Variants in STAM2 observed in about 807,000 individuals in gnomAD.
The protein encoded by STAM2 is signal transducing adaptor molecule 2.
STAM2 carries 51 observed loss-of-function variants against 65.6 expected under a neutral mutation model. The observed-to-expected ratio is 0.78, with a 90% CI of 0.62 to 0.98. The LOEUF is 0.98. Ranked by LOEUF, STAM2 falls within the 50% of genes least tolerant of loss-of-function variation. STAM2 has a pLI of 0.00. For synonymous variants in STAM2, 198 were observed against 208.4 expected, an observed-to-expected ratio of 0.95 and a Z score of 0.43; for missense variants, 584 against 617.8, an observed-to-expected ratio of 0.95 and a Z score of 0.58.
intron 1 of STAM2, among the ~76,000 whole-genome samples, chr2:152,167,482 C>A (rs1360262907): frequency 6.6e-6 from 1 of 152,202 alleles, no homozygotes; most frequent in Non-Finnish European, 1.5e-5. Flanking sequence ...AATGTTTCAA[C>A]AATACCAAAA....
At chr2:152,162,188 T>C (rs1177628397) in intron 1 of STAM2, among the ~76,000 whole-genome samples, 2 of 152,200 alleles carry the variant, frequency 1.3e-5, no homozygotes, top group Non-Finnish European at 2.9e-5. Context: ...CAGATAGCAA[T>C]TTAATTAAAA....
intron 1 of STAM2, among the ~76,000 whole-genome samples, chr2:152,155,830 CATTT>C (rs1482142514): frequency 6.6e-6 from 1 of 152,148 alleles, no homozygotes; most frequent in African/African-American, 2.4e-5. Flanking sequence ...TTTAGAACTT[CATTT>C]AGTGTATCTG....
intron 1 of STAM2, among the ~76,000 whole-genome samples, chr2:152,152,557 A>C (rs1689465659): frequency 7.0e-6 from 1 of 142,330 alleles, no homozygotes; most frequent in African/African-American, 2.6e-5. Flanking sequence ...TCAAAAAAAA[A>C]CAACAAAAAA....
chr2:152,148,279 G>A lies in STAM2; in HGVS notation c.147C>T (p.Ala49=), dbSNP rs1468923955. ...TPNGAKDCLK[A]IMKRVNHKVP... ...CCTTATGATTTACCCTTTTCATTAT[G>A]GCTTTTAGGCAATCTTTCGCTCTAA... Residue 49 remains alanine, a synonymous_variant, in exon 3 of 14, where the codon GCC becomes GCT. Transcript: ENST00000263904. The A allele has an allele frequency of 1.2e-6, 2 of 1,609,214 alleles. No homozygotes were observed. The highest frequency in any genetic ancestry group is 1.7e-6 in the Non-Finnish European group (2 of 1,178,364).
At chr2:152,174,522 G>A (rs939964316) in intron 1 of STAM2, among the ~76,000 whole-genome samples, 1 of 152,210 alleles carries the variant, frequency 6.6e-6, no homozygotes, top group Non-Finnish European at 1.5e-5. Context: ...ATGGCTTAGG[G>A]GATTACACAA....
chr2:152,161,494 TA>T (rs10714838), intron 1 of STAM2, among the ~76,000 whole-genome samples: 63,051 of 103,810 alleles, frequency 0.61, 18,700 homozygotes, highest in Admixed American at 0.73. Flanking sequence ...GAATGATCAA[TA>T]AAAAAAAAAA....
intron 4 of STAM2, 113 bp from the exon 5 acceptor site, chr2:152,147,421 A>G (rs576950024): frequency 1.3e-4 from 140 of 1,037,980 alleles, no homozygotes; most frequent in Admixed American, 3.6e-4. Context: ...ATGAACATCA[A>G]CAAAAGTCCT....
intron 1 of STAM2, 140 bp downstream of exon 1, chr2:152,175,456 CAACGTCG>C: frequency 9.3e-7 from 1 of 1,069,996 alleles, no homozygotes; most frequent in Admixed American, 2.2e-5. Context: ...AGAAAAATCC[CAACGTCG>C]AAGGAGCGGG....
chr2:152,122,844 TC>T (rs1402527460), intron 13 of STAM2, among the ~76,000 whole-genome samples: 1 of 152,006 alleles, frequency 6.6e-6, no homozygotes, highest in Admixed American at 6.6e-5. Flanking sequence ...AGCAGGCAGA[TC>T]CCTTGAGCTC....
At chr2:152,153,600 A>AT (rs1689486002) in intron 1 of STAM2, among the ~76,000 whole-genome samples, 1 of 152,132 alleles carries the variant, frequency 6.6e-6, no homozygotes, top group Admixed American at 6.5e-5. Context: ...AAAGTAATAC[A>AT]TTTTTGCCTA....
At chr2:152,172,210 T>C (rs2105573062) in intron 1 of STAM2, among the ~76,000 whole-genome samples, 1 of 152,204 alleles carries the variant, frequency 6.6e-6, no homozygotes, top group South Asian at 2.1e-4. Flanking sequence ...CTAGATAAAA[T>C]GTTTAAAGAG....
intron 11 of STAM2, 21 bp from the exon 12 acceptor site, chr2:152,126,400 T>C: frequency 6.9e-7 from 1 of 1,445,188 alleles, no homozygotes; most frequent in Non-Finnish European, 9.2e-7. Flanking sequence ...AGAAAAGTAT[T>C]ATAATACTCT....
intron 1 of STAM2, among the ~76,000 whole-genome samples, chr2:152,174,828 A>C (rs1386519571): frequency 6.6e-6 from 1 of 152,192 alleles, no homozygotes; most frequent in Admixed American, 6.5e-5. Flanking sequence ...ATACATACAT[A>C]TATTTCTCAG....
intron 7 of STAM2, 87 bp from the exon 8 acceptor site, chr2:152,135,690 T>A: frequency 1.2e-6 from 1 of 834,780 alleles, no homozygotes; most frequent in Non-Finnish European, 2.0e-6. Flanking sequence ...TTTAGCCTCC[T>A]TTGAATATAT....
chr2:152,125,818 C>T (rs1288545787), intron 12 of STAM2, among the ~76,000 whole-genome samples: 5 of 152,176 alleles, frequency 3.3e-5, no homozygotes, highest in African/African-American at 1.2e-4. Context: ...TCTTGTTGAG[C>T]AGCAGGAAAG....
intron 1 of STAM2, among the ~76,000 whole-genome samples, chr2:152,151,522 T>C (rs1689445541): frequency 6.6e-6 from 1 of 152,210 alleles, no homozygotes; most frequent in Non-Finnish European, 1.5e-5. Flanking sequence ...CTATAATTCA[T>C]GTATCAATAC....
chr2:152,147,092 T>A, intron 5 of STAM2, 70 bp downstream of exon 5: 1 of 1,396,590 alleles, frequency 7.2e-7, no homozygotes, highest in South Asian at 1.6e-5. Flanking sequence ...ATACCTTGCC[T>A]AGTCTTTACA....
At chr2:152,174,486 T>C (rs928835885) in intron 1 of STAM2, among the ~76,000 whole-genome samples, 4 of 152,206 alleles carry the variant, frequency 2.6e-5, no homozygotes, top group African/African-American at 4.8e-5. Flanking sequence ...TTACATATAT[T>C]ATTTGACTCA....
At chr2:152,167,946 T>C (rs1490030980) in intron 1 of STAM2, among the ~76,000 whole-genome samples, 1 of 151,428 alleles carries the variant, frequency 6.6e-6, no homozygotes, top group African/African-American at 2.4e-5. Context: ...TAAAAGCTTT[T>C]TAACTTAAGA....
Sources: allele counts gnomAD v4.1 joint callset (sites outside exome capture counted in the v4.1 genomes callset), GRCh38; gene constraint gnomAD v4.1.1; transcripts MANE v1.5; gene names NCBI Gene and HGNC (gene_info 2026-07-23, HGNC 2026-07-21).